Variants in PPP2R2C observed in about 807,000 individuals in gnomAD.
The protein encoded by PPP2R2C is protein phosphatase 2, regulatory subunit B, gamma.
A neutral mutation model predicts 45.3 loss-of-function variants in PPP2R2C; 10 were observed. That is an observed-to-expected ratio of 0.22 (90% confidence interval 0.14 to 0.37). The LOEUF is 0.37. Ranked by LOEUF, PPP2R2C falls within the 10% of genes least tolerant of loss-of-function variation. The pLI, the probability that PPP2R2C is intolerant of heterozygous loss-of-function variation, is 1.00. For missense variants in PPP2R2C, 308 were observed against 619.7 expected (o/e 0.50, Z 5.34); for synonymous variants, 257 against 245.4 (o/e 1.05, Z -0.44).
chr4:6,428,480 C>A (rs776996163), intron 1 of PPP2R2C, among the ~76,000 whole-genome samples: 1 of 152,198 alleles, frequency 6.6e-6, no homozygotes, highest in Non-Finnish European at 1.5e-5. Context: ...TCAGGTGGTT[C>A]TTTTTAGAGG....
intron 5 of PPP2R2C, among the ~76,000 whole-genome samples, chr4:6,356,446 G>A (rs1713198684): frequency 6.6e-6 from 1 of 152,206 alleles, no homozygotes; most frequent in Non-Finnish European, 1.5e-5. Context: ...GGGCTCCAGA[G>A]TCTTCCATAC....
At chr4:6,509,247 G>A (rs1483020404) in intron 2 of PPP2R2C, among the ~76,000 whole-genome samples, 1 of 152,196 alleles carries the variant, frequency 6.6e-6, no homozygotes, top group Admixed American at 6.5e-5. Flanking sequence ...ACTCCAGCTT[G>A]AAAACAAAGG....
intron 1 of PPP2R2C, among the ~76,000 whole-genome samples, chr4:6,543,799 T>A (rs1295602626): frequency 1.3e-5 from 2 of 152,168 alleles, no homozygotes; most frequent in African/African-American, 4.8e-5. Flanking sequence ...AGTTGCCACC[T>A]CATGACCATG....
chr4:6,324,778 T>C lies in PPP2R2C; in HGVS notation c.1053-1185A>G, dbSNP rs1731819415. Among the ~76,000 whole-genome samples the C allele has an allele frequency of 6.6e-6, 1 of 152,058 alleles. No homozygotes were observed. Among genetic ancestry groups the C allele is most frequent in the Non-Finnish European group, 1.5e-5 (1 of 68,000 alleles). Reference sequence around the variant, plus strand: ...GCCGGTGGGAGGAAGGGTAAGTTCATCCACATAGTAAGAGGCAGGAGAGAA... The same window carrying C: ...GCCGGTGGGAGGAAGGGTAAGTTCACCCACATAGTAAGAGGCAGGAGAGAA... On this transcript the variant is annotated intron_variant, in intron 8 of 8. Coordinates refer to ENST00000382599, the MANE Select transcript of PPP2R2C (RefSeq NM_020416.4). The surrounding 1 kb of genome is among the most constrained non-coding windows in gnomAD (Gnocchi z 4.1).
chr4:6,472,409 G>C lies in PPP2R2C; in HGVS notation c.-180C>G. The C allele has an allele frequency of 1.2e-6, 1 of 841,370 alleles. No individual in the cohort carries two copies. Among genetic ancestry groups the C allele is most frequent in the Non-Finnish European group, 1.4e-6 (1 of 700,724 alleles). The allele number at this position is 841,370 out of a possible 1,614,324, so 52.1% of individuals were successfully genotyped here. On this transcript the variant is annotated 5_prime_UTR_variant, in exon 1 of 9. Coordinates refer to ENST00000382599, the MANE Select transcript of PPP2R2C (RefSeq NM_020416.4). ...GCGGGGGCGGCCGGGGGCGGGCGCC[G>C]CGGTCAAGCGAGCGCGCGGTGGGCG...
chr4:6,382,301 G>A, intron 1 of PPP2R2C: 1 of 1,280,082 alleles, frequency 7.8e-7, no homozygotes, highest in South Asian at 1.3e-5. Flanking sequence ...GGATTCTGTA[G>A]TCTCCAAAAT....
intron 1 of PPP2R2C, among the ~76,000 whole-genome samples, chr4:6,459,485 C>T (rs915565511): frequency 6.6e-6 from 1 of 152,134 alleles, no homozygotes; most frequent in Non-Finnish European, 1.5e-5. Flanking sequence ...CACATAAAAT[C>T]AATGCTACCA....
chr4:6,414,011 C>G (rs1010486555), intron 1 of PPP2R2C: 5 of 1,530,224 alleles, frequency 3.3e-6, no homozygotes, highest in African/African-American at 2.8e-5. Context: ...ATGGCCAAAA[C>G]CAGATCTATG....
rs149992906 is a variant in PPP2R2C, at chr4:6,392,820, G to A, written c.71-11726C>T. The stretch of plus-strand genomic sequence containing the variant: ...GACGAGCACTTTCAGGGGTGGGCGT[G>A]GACCCTTCTGTGCCCAGCCCATGCC... On this transcript the variant is annotated intron_variant, in intron 1 of 8. Coordinates refer to ENST00000382599, the MANE Select transcript of PPP2R2C (RefSeq NM_020416.4). Among the ~76,000 whole-genome samples the A allele has an allele frequency of 3.0e-3, 463 of 152,312 alleles. 5 individuals are homozygous for A. The highest frequency in any genetic ancestry group is 0.011 in the African/African-American group (439 of 41,582).
intron 1 of PPP2R2C, among the ~76,000 whole-genome samples, chr4:6,411,832 A>G (rs991623369): frequency 1.3e-5 from 2 of 151,818 alleles, no homozygotes; most frequent in Non-Finnish European, 2.9e-5. Context: ...GATTATAGGC[A>G]TGAGCCACCG....
At chr4:6,342,624 C>T (rs898518410) in intron 6 of PPP2R2C, among the ~76,000 whole-genome samples, 6 of 152,206 alleles carry the variant, frequency 3.9e-5, no homozygotes, top group African/African-American at 1.4e-4. Flanking sequence ...TCTAAGAAAT[C>T]CCAGTGTTCC....
chr4:6,363,990 C>CT (rs1714048354), intron 5 of PPP2R2C, among the ~76,000 whole-genome samples: 1 of 152,206 alleles, frequency 6.6e-6, no homozygotes, highest in South Asian at 2.1e-4. Context: ...CTGTATTACA[C>CT]TAGTTCCATT....
chr4:6,392,832 G>A (rs1404601106), intron 1 of PPP2R2C, among the ~76,000 whole-genome samples: 2 of 152,192 alleles, frequency 1.3e-5, no homozygotes, highest in Non-Finnish European at 2.9e-5. Flanking sequence ...ACCCTTCTGT[G>A]CCCAGCCCAT....
At chr4:6,489,648 T>C (rs1722634251) in intron 2 of PPP2R2C, among the ~76,000 whole-genome samples, 1 of 152,218 alleles carries the variant, frequency 6.6e-6, no homozygotes, top group South Asian at 2.1e-4. Flanking sequence ...TCAGTGAGAA[T>C]TGAAGGCACT....
At chr4:6,561,813 G>A (rs1054285075) in intron 1 of PPP2R2C, among the ~76,000 whole-genome samples, 9 of 152,214 alleles carry the variant, frequency 5.9e-5, no homozygotes, top group African/African-American at 2.2e-4. Context: ...AGGCTCTAGG[G>A]AGTCCTAAGA....
chr4:6,530,197 G>A (rs763345627), intron 2 of PPP2R2C, among the ~76,000 whole-genome samples: 10 of 152,086 alleles, frequency 6.6e-5, no homozygotes, highest in Non-Finnish European at 1.2e-4. Flanking sequence ...CCGGGTTTGG[G>A]GTTTTGAGGT....
chr4:6,463,275 C>T (rs1721422304), intron 1 of PPP2R2C, among the ~76,000 whole-genome samples: 1 of 151,842 alleles, frequency 6.6e-6, no homozygotes, highest in African/African-American at 2.4e-5. Flanking sequence ...GCCAAGGGCA[C>T]GGCAGCTGTG....
At chr4:6,482,598 G>A (rs73207868) in intron 2 of PPP2R2C, among the ~76,000 whole-genome samples, 16,987 of 152,232 alleles carry the variant, frequency 0.11, 1,053 homozygotes, top group Non-Finnish European at 0.14. Context: ...CCTGTGTCCA[G>A]CAATTTTGTT....
chr4:6,348,707 G>A (rs1404871964), intron 5 of PPP2R2C: 1 of 985,296 alleles, frequency 1.0e-6, no homozygotes, highest in Non-Finnish European at 1.2e-6. Context: ...TAGAAAGAAG[G>A]AGCTTCTATC....
Sources: gnomAD v4.1 joint callset for allele counts (sites outside exome capture counted in the v4.1 genomes callset) on GRCh38, gnomAD v4.1.1 for gene constraint, Gnocchi (gnomAD v3.1) non-coding constraint, MANE v1.5 for transcripts, NCBI Gene and HGNC (gene_info 2026-07-23, HGNC 2026-07-21) for gene names.